The following LUZP2 variants were observed in gnomAD, a reference collection of about 807,000 sequenced individuals.
LUZP2 encodes leucine zipper protein 2.
In LUZP2, 52 loss-of-function variants were observed where a neutral mutation model predicts 51.6. The ratio of observed to expected loss-of-function variants is 1.01; its 90% CI spans 0.81 to 1.27. The LOEUF is 1.27. Among genes scored for constraint, LUZP2 ranks in the 50% most tolerant of loss-of-function variants. The pLI is 0.00. For synonymous variants in LUZP2, 154 were observed against 137.3 expected, an observed-to-expected ratio of 1.12 and a Z score of -0.85; for missense variants, 436 against 395.4, an observed-to-expected ratio of 1.10 and a Z score of -0.87.
At chr11:25,008,340 G>C (rs946521246) in intron 9 of LUZP2, among the ~76,000 whole-genome samples, 2 of 152,224 alleles carry the variant, frequency 1.3e-5, no homozygotes, top group African/African-American at 4.8e-5. Flanking sequence ...GAGGCCAAAG[G>C]TGTGTTACTG....
At chr11:24,551,212 G>C (rs1237921033) in intron 1 of LUZP2, among the ~76,000 whole-genome samples, 3 of 151,932 alleles carry the variant, frequency 2.0e-5, no homozygotes, top group Admixed American at 6.6e-5. Context: ...TTAAAACTAA[G>C]TGACCAAATG....
chr11:25,004,648 T>C (rs531033087), intron 9 of LUZP2, among the ~76,000 whole-genome samples: 161 of 152,278 alleles, frequency 1.1e-3, no homozygotes, highest in Non-Finnish European at 1.9e-3. Context: ...TCGAGGAAAG[T>C]GGAAGGATTT....
At position 24,796,532 on chromosome 11, in the gene LUZP2, T is replaced by C. The variant is rs1049374343; in HGVS notation, c.396+33224T>C. Among the ~76,000 whole-genome samples, 294 of 136,978 alleles carry C rather than the reference T, an allele frequency of 2.1e-3. 1 individual carries two copies. The highest frequency in any genetic ancestry group is 6.7e-3 in the African/African-American group (233 of 34,702). The allele number at this position is 136,978 out of a possible 152,430, so 89.9% of individuals were successfully genotyped here. On this transcript the variant is annotated intron_variant, in intron 5 of 11. Transcript: ENST00000336930. Reference sequence around the variant, plus strand: ...GTGTGTGTGTGTGTGTGTGTGTGTGTGCCACAGCAAGGGATAGAGGAAAAA... The same window carrying C: ...GTGTGTGTGTGTGTGTGTGTGTGTGCGCCACAGCAAGGGATAGAGGAAAAA...
At chr11:25,057,752 A>C (rs1021692325) in intron 10 of LUZP2, among the ~76,000 whole-genome samples, 6 of 151,986 alleles carry the variant, frequency 3.9e-5, no homozygotes, top group Admixed American at 1.3e-4. Context: ...TAGCACCGGG[A>C]GCACTAGCTC....
At chr11:25,016,765 CT>C (rs993341802) in intron 9 of LUZP2, among the ~76,000 whole-genome samples, 10 of 151,850 alleles carry the variant, frequency 6.6e-5, no homozygotes, top group African/African-American at 1.9e-4. Context: ...CATATGATGA[CT>C]TTTTTTTCCT....
chr11:25,070,609 A>G (rs1196268275), intron 10 of LUZP2, among the ~76,000 whole-genome samples: 2 of 152,008 alleles, frequency 1.3e-5, no homozygotes, highest in Non-Finnish European at 2.9e-5. Context: ...GCCTGTTAAA[A>G]TATCCCAGTT....
At chr11:24,795,610 A>C (rs1021313278) in intron 5 of LUZP2, among the ~76,000 whole-genome samples, 4 of 152,090 alleles carry the variant, frequency 2.6e-5, no homozygotes, top group South Asian at 2.1e-4. Context: ...ACTAAACCAG[A>C]TGTAACTCCC....
In LUZP2 at chr11:25,079,473, AG is replaced by A. The variant is rs1241834427; in HGVS notation, c.*817del. ...AGTTCTAAAATACAAATATGAAAGC[AG>A]GTAATATATATCACAAAACAGGGGT... On this transcript the variant is annotated 3_prime_UTR_variant, in exon 12 of 12. Coordinates refer to ENST00000336930, the MANE Select transcript of LUZP2 (RefSeq NM_001009909.4). 4 of 152,190 alleles carry A rather than the reference AG, an allele frequency of 2.6e-5. No homozygotes were observed. Among genetic ancestry groups the A allele is most frequent in the African/African-American group, 9.6e-5 (4 of 41,468 alleles). The allele number at this position is 152,190 out of a possible 1,614,324, so 9.4% of individuals were successfully genotyped here. A position where few individuals can be genotyped will look rare whatever the true frequency, so the allele number is the denominator to read the frequency against.
intron 1 of LUZP2, among the ~76,000 whole-genome samples, chr11:24,720,131 GACTA>G (rs1439827222): frequency 6.6e-6 from 1 of 152,066 alleles, no homozygotes; most frequent in Non-Finnish European, 1.5e-5. Flanking sequence ...TTAAAACATT[GACTA>G]ACTAAATGAT....
intron 1 of LUZP2, among the ~76,000 whole-genome samples, chr11:24,569,976 A>G (rs1006162593): frequency 6.6e-6 from 1 of 152,116 alleles, no homozygotes; most frequent in African/African-American, 2.4e-5. Flanking sequence ...ATTTTTTCAC[A>G]TCATTTACAT....
In LUZP2 at chr11:24,984,524, T is replaced by TTATATATATATATATATATATATATATA. The variant is rs1209500084; in HGVS notation, c.765+1257_765+1258insTATATATATATATATATATATATATATA. Among the ~76,000 whole-genome samples the TTATATATATATATATATATATATATATA allele has an allele frequency of 5.6e-5, 5 of 90,052 alleles. 1 individual carries two copies. In the East Asian group the frequency reaches 1.1e-3, roughly 20 times the overall value. The allele number at this position is 90,052 out of a possible 152,430, so 59.1% of individuals were successfully genotyped here. On this transcript the variant is annotated intron_variant, in intron 9 of 11. Transcript: ENST00000336930. ...TGTTTTTATATGTAAATTACATATT[T>TTATATATATATATATATATATATATATA]TATATATATATATATATATATATAT... is the stretch of plus-strand genomic sequence containing the variant.
chr11:24,923,577 G>T (rs986719544), intron 7 of LUZP2, among the ~76,000 whole-genome samples: 6 of 152,016 alleles, frequency 3.9e-5, no homozygotes, highest in African/African-American at 1.4e-4. Context: ...CATGCCTGTA[G>T]TCCCAACTAC....
At chr11:24,518,917 G>T (rs1328206059) in intron 1 of LUZP2, among the ~76,000 whole-genome samples, 1 of 152,172 alleles carries the variant, frequency 6.6e-6, no homozygotes, top group Non-Finnish European at 1.5e-5. Context: ...AGTGCTGATT[G>T]ATTCACAGAG....
At chr11:25,022,557 C>T (rs1356640968) in intron 9 of LUZP2, among the ~76,000 whole-genome samples, 1 of 151,804 alleles carries the variant, frequency 6.6e-6, no homozygotes, top group African/African-American at 2.4e-5. Flanking sequence ...GCTCTCTTCA[C>T]CAAAAAAATC....
chr11:25,078,819 T>C lies in LUZP2; in HGVS notation c.*161T>C, dbSNP rs916389032. On this transcript the variant is annotated 3_prime_UTR_variant, in exon 12 of 12. Transcript: ENST00000336930. ...CACATTTTCAAAGATTCCAGACCAATTATGATCCTTAAGCAATAACCTCAT... is the reference window on the plus strand; with the variant it reads ...CACATTTTCAAAGATTCCAGACCAACTATGATCCTTAAGCAATAACCTCAT... 1.7e-6 allele frequency: 1 copy of C among 593,538 alleles called. No individual in the cohort carries two copies. Among genetic ancestry groups the C allele is most frequent in the African/African-American group, 1.9e-5 (1 of 52,624 alleles). 36.8% of individuals were successfully genotyped at this position (593,538 alleles called of 1,614,324 possible).
chr11:24,603,226 C>T (rs1478012735), intron 1 of LUZP2, among the ~76,000 whole-genome samples: 1 of 151,688 alleles, frequency 6.6e-6, no homozygotes, highest in Non-Finnish European at 1.5e-5. Context: ...GGCTATCAAG[C>T]TTTCAAGAGT....
At chr11:24,571,860 A>T (rs1320255943) in intron 1 of LUZP2, among the ~76,000 whole-genome samples, 1 of 152,046 alleles carries the variant, frequency 6.6e-6, no homozygotes, top group African/African-American at 2.4e-5. Flanking sequence ...ATAGCTTGTG[A>T]TTACTATAAT....
chr11:24,976,532 C>T, intron 7 of LUZP2, 59 bp from the exon 8 acceptor site: 1 of 1,125,774 alleles, frequency 8.9e-7, no homozygotes, highest in Non-Finnish European at 1.3e-6. Flanking sequence ...ATGACAGATG[C>T]TTAAAGTACA....
At chr11:24,854,949 G>T (rs1308925177) in intron 5 of LUZP2, among the ~76,000 whole-genome samples, 1 of 152,042 alleles carries the variant, frequency 6.6e-6, no homozygotes. Context: ...CTTGCCCTCC[G>T]TGAGCCACAC....
Sources: gnomAD v4.1 joint callset for allele counts (sites outside exome capture counted in the v4.1 genomes callset) on GRCh38, gnomAD v4.1.1 for gene constraint, MANE v1.5 for transcripts, NCBI Gene and HGNC (gene_info 2026-07-23, HGNC 2026-07-21) for gene names.